Variants in SOX5 observed in about 807,000 individuals in gnomAD.
The protein encoded by SOX5 is SRY-box transcription factor 5.
A neutral mutation model predicts 92.0 loss-of-function variants in SOX5; 9 were observed. The ratio of observed to expected loss-of-function variants is 0.10; its 90% CI spans 0.06 to 0.17. The LOEUF is 0.17. Ranked by LOEUF, SOX5 falls within the 10% of genes least tolerant of loss-of-function variation. The pLI, the probability that SOX5 is intolerant of heterozygous loss-of-function variation, is 1.00. For synonymous variants in SOX5, 344 were observed against 336.3 expected (o/e 1.02, Z -0.25); for missense variants, 642 against 944.5 (o/e 0.68, Z 4.20).
chr12:23,544,411 A>C (rs1227858391), intron 12 of SOX5, among the ~76,000 whole-genome samples: 2 of 152,224 alleles, frequency 1.3e-5, no homozygotes, highest in African/African-American at 2.4e-5. Context: ...ATAGTATCCA[A>C]AACTTTAAAA....
chr12:23,777,579 A>G lies in SOX5; in HGVS notation c.482-21855T>C, dbSNP rs2095145150. Among the ~76,000 whole-genome samples, 3 of 152,138 alleles carry G rather than the reference A, an allele frequency of 2.0e-5. No individual in the cohort carries two copies. The South Asian group carries it at 6.2e-4, about 32-fold the overall frequency. ...TTCAGTAAACACATACACACACAATACATACCTTTCTTTGCACAGTCTAAC... is the reference window on the plus strand; with the variant it reads ...TTCAGTAAACACATACACACACAATGCATACCTTTCTTTGCACAGTCTAAC... On this transcript the variant is annotated intron_variant, in intron 3 of 14. Coordinates refer to ENST00000451604, the MANE Select transcript of SOX5 (RefSeq NM_006940.6).
chr12:23,967,373 A>T (rs1372268284), intron 4 of SOX5, among the ~76,000 whole-genome samples: 2 of 152,132 alleles, frequency 1.3e-5, no homozygotes, highest in Non-Finnish European at 2.9e-5. Flanking sequence ...ACACAAATAG[A>T]AAATATAAAA....
intron 1 of SOX5, among the ~76,000 whole-genome samples, chr12:24,370,287 A>G (rs1275594100): frequency 6.6e-6 from 1 of 151,924 alleles, no homozygotes; most frequent in Non-Finnish European, 1.5e-5. Flanking sequence ...ATCCTGGCTA[A>G]CACAGTGAAA....
intron 2 of SOX5, among the ~76,000 whole-genome samples, chr12:24,309,387 A>G (rs1738863746): frequency 1.3e-5 from 2 of 152,170 alleles, no homozygotes; most frequent in Admixed American, 1.3e-4. Context: ...ACTTTTCACG[A>G]AAAATGCTGT....
chr12:23,677,656 C>T (rs1056304621), intron 6 of SOX5, among the ~76,000 whole-genome samples: 1 of 152,190 alleles, frequency 6.6e-6, no homozygotes, highest in Non-Finnish European at 1.5e-5. Context: ...TATTTTGTTA[C>T]AGAAGGTAAA....
chr12:23,754,458 GA>G (rs1425366058), intron 4 of SOX5, among the ~76,000 whole-genome samples: 2 of 151,726 alleles, frequency 1.3e-5, no homozygotes, highest in African/African-American at 4.8e-5. Context: ...AAGGCATATT[GA>G]TTCTCATTCA....
chr12:24,277,389 A>G (rs1944554286), intron 2 of SOX5: 1 of 101,930 alleles, frequency 9.8e-6, no homozygotes, highest in Non-Finnish European at 2.4e-5. Context: ...TTGAAAATAG[A>G]AAATGTGTAA....
At chr12:24,554,420 A>T (rs1953547661) in intron 1 of SOX5, among the ~76,000 whole-genome samples, 1 of 152,198 alleles carries the variant, frequency 6.6e-6, no homozygotes, top group South Asian at 2.1e-4. Flanking sequence ...GAGACATTGA[A>T]GCAACCCGTG....
At chr12:23,904,507 G>C (rs182448829) in intron 1 of SOX5, among the ~76,000 whole-genome samples, 1 of 152,228 alleles carries the variant, frequency 6.6e-6, no homozygotes. Context: ...CACCAGAGTA[G>C]AGATCAACAA....
chr12:23,600,580 A>T (rs2074361746), intron 9 of SOX5, among the ~76,000 whole-genome samples: 1 of 120,052 alleles, frequency 8.3e-6, no homozygotes, highest in South Asian at 2.5e-4. Flanking sequence ...GACTAAAAAA[A>T]CCAAGGCATT....
intron 1 of SOX5, among the ~76,000 whole-genome samples, chr12:23,942,605 A>G (rs1318461115): frequency 6.6e-6 from 1 of 151,278 alleles, no homozygotes; most frequent in Non-Finnish European, 1.5e-5. Flanking sequence ...CAGTGTCCCA[A>G]TTGATCTAAC....
intron 8 of SOX5, among the ~76,000 whole-genome samples, chr12:23,629,537 T>C (rs1417532006): frequency 6.6e-6 from 1 of 152,034 alleles, no homozygotes; most frequent in Non-Finnish European, 1.5e-5. Flanking sequence ...AGCAGAAATC[T>C]TTAACTCAAA....
At chr12:23,783,585 A>T (rs778838955) in intron 3 of SOX5, among the ~76,000 whole-genome samples, 1 of 152,184 alleles carries the variant, frequency 6.6e-6, no homozygotes, top group Non-Finnish European at 1.5e-5. Context: ...AGAAGCCTTT[A>T]TTTTTTGTTC....
chr12:24,532,184 T>C (rs1176018709), intron 1 of SOX5, among the ~76,000 whole-genome samples: 1 of 152,212 alleles, frequency 6.6e-6, no homozygotes, highest in African/African-American at 2.4e-5. Flanking sequence ...AATTTATCTA[T>C]CCTTGTCTGA....
chr12:23,725,545 A>C (rs1460162460), intron 6 of SOX5, among the ~76,000 whole-genome samples: 5 of 152,180 alleles, frequency 3.3e-5, no homozygotes, highest in African/African-American at 4.8e-5. Flanking sequence ...TACAATTCAA[A>C]ATGAGATTTG....
chr12:23,827,523 C>T (rs2096252141), intron 3 of SOX5, among the ~76,000 whole-genome samples: 1 of 152,136 alleles, frequency 6.6e-6, no homozygotes, highest in South Asian at 2.1e-4. Flanking sequence ...TTTACTTGTT[C>T]AGGGCCTTTA....
At chr12:24,110,952 T>C (rs1947274176) in intron 4 of SOX5, among the ~76,000 whole-genome samples, 1 of 146,826 alleles carries the variant, frequency 6.8e-6, no homozygotes, top group South Asian at 2.2e-4. Flanking sequence ...TAAAGAATCC[T>C]GATGACTTCG....
intron 4 of SOX5, among the ~76,000 whole-genome samples, chr12:24,010,880 A>G (rs1592306779): frequency 6.6e-6 from 1 of 151,996 alleles, no homozygotes; most frequent in African/African-American, 2.4e-5. Flanking sequence ...CAGACGCTGC[A>G]GTGAGCCGAG....
At chr12:24,352,717 T>C (rs1297503095) in intron 2 of SOX5, among the ~76,000 whole-genome samples, 1 of 152,154 alleles carries the variant, frequency 6.6e-6, no homozygotes, top group East Asian at 1.9e-4. Flanking sequence ...AAAGCTATCA[T>C]CAAGTATCTC....
Sources: gnomAD v4.1 joint callset for allele counts (sites outside exome capture counted in the v4.1 genomes callset) on GRCh38, gnomAD v4.1.1 for gene constraint, MANE v1.5 for transcripts, NCBI Gene and HGNC (gene_info 2026-07-23, HGNC 2026-07-21) for gene names.